The following PMEPA1 variants were observed in gnomAD, a reference collection of about 807,000 sequenced individuals.
PMEPA1 encodes prostate transmembrane protein, androgen induced 1, also known as protein TMEPAI.
A neutral mutation model predicts 23.0 loss-of-function variants in PMEPA1; 11 were observed. The observed-to-expected ratio is 0.48, with a 90% CI of 0.30 to 0.79. PMEPA1 has a LOEUF of 0.79. PMEPA1 is among the 30% of genes least tolerant of loss of function. The pLI, the probability that PMEPA1 is intolerant of heterozygous loss-of-function variation, is 0.06. For synonymous variants in PMEPA1, 204 were observed against 166.4 expected, an observed-to-expected ratio of 1.23 and a Z score of -1.74; for missense variants, 377 against 390.9, an observed-to-expected ratio of 0.96 and a Z score of 0.30.
intron 1 of PMEPA1, among the ~76,000 whole-genome samples, chr20:57,706,673 C>G (rs183478389): frequency 6.6e-6 from 1 of 152,138 alleles, no homozygotes; most frequent in Non-Finnish European, 1.5e-5. Context: ...TCAAGGAGGA[C>G]CTGCTCTGGG....
intron 1 of PMEPA1, among the ~76,000 whole-genome samples, chr20:57,696,963 C>T (rs778529439): frequency 6.6e-6 from 1 of 152,184 alleles, no homozygotes; most frequent in Non-Finnish European, 1.5e-5. Flanking sequence ...CCATGCTCTT[C>T]GGGGAGGCTT....
At chr20:57,690,869 C>T (rs2071873169) in intron 1 of PMEPA1, among the ~76,000 whole-genome samples, 1 of 152,190 alleles carries the variant, frequency 6.6e-6, no homozygotes, top group South Asian at 2.1e-4. Flanking sequence ...CAGGTTCCTG[C>T]ACTCGCCCCA....
chr20:57,707,173 T>A (rs1472409190), intron 1 of PMEPA1, among the ~76,000 whole-genome samples: 1 of 152,200 alleles, frequency 6.6e-6, no homozygotes, highest in Non-Finnish European at 1.5e-5. Flanking sequence ...ATGTACTAGA[T>A]GAAAAACAGC....
chr20:57,671,986 C>T (rs1360475987), intron 1 of PMEPA1, among the ~76,000 whole-genome samples: 2 of 152,124 alleles, frequency 1.3e-5, no homozygotes, highest in Admixed American at 1.3e-4. Flanking sequence ...TATTGTGGGG[C>T]AGAAATAATG....
intron 1 of PMEPA1, among the ~76,000 whole-genome samples, chr20:57,670,406 A>G (rs2071552280): frequency 6.6e-6 from 1 of 152,086 alleles, no homozygotes; most frequent in African/African-American, 2.4e-5. Flanking sequence ...ATCCACACTC[A>G]TGCCCGCTGT....
intron 1 of PMEPA1, among the ~76,000 whole-genome samples, chr20:57,663,607 C>T (rs374804359): frequency 6.6e-6 from 1 of 152,234 alleles, no homozygotes; most frequent in Non-Finnish European, 1.5e-5. Flanking sequence ...GCAGAGGGAG[C>T]ATCTAATGGA....
rs114205481 is a variant in PMEPA1, at chr20:57,662,179, G to A, written c.110-2482C>T. Among the ~76,000 whole-genome samples, 56 of 152,342 alleles carry A rather than the reference G, an allele frequency of 3.7e-4. 1 individual carries two copies. The East Asian group carries it at 9.6e-3, about 26-fold the overall frequency. ...GGAGCCATTTTTGGTTGTCACAACT[G>A]GGGGGTACTCCTGGCATGGAGTGGG... On this transcript the variant is annotated intron_variant, in intron 1 of 3. Transcript: ENST00000341744.
At chr20:57,686,838 T>G (rs1176270080) in intron 1 of PMEPA1, among the ~76,000 whole-genome samples, 1 of 152,124 alleles carries the variant, frequency 6.6e-6, no homozygotes, top group Non-Finnish European at 1.5e-5. Flanking sequence ...AAAACCATGG[T>G]CAGGCTTAGG....
rs565055099 is a variant in PMEPA1, at chr20:57,689,975, T to A, written c.109+19499A>T. 2.6e-5 allele frequency among the ~76,000 whole-genome samples: 4 copies of A among 152,338 alleles called. No homozygotes were observed. The East Asian group carries it at 7.7e-4, about 29-fold the overall frequency. The stretch of plus-strand genomic sequence containing the variant: ...GCAGCAGCCGAGGTCCATGGGGCAC[T>A]TACTGTGTGCGAGGCATTTGCTGAG... On this transcript the variant is annotated intron_variant, in intron 1 of 3. Transcript: ENST00000341744.
At chr20:57,706,079 C>T (rs192922771) in intron 1 of PMEPA1, among the ~76,000 whole-genome samples, 132 of 152,310 alleles carry the variant, frequency 8.7e-4, no homozygotes, top group African/African-American at 3.0e-3. Flanking sequence ...ATCAGAGGCT[C>T]GGTGACTCTG....
intron 1 of PMEPA1, among the ~76,000 whole-genome samples, chr20:57,673,443 A>G (rs1426565218): frequency 6.6e-6 from 1 of 152,022 alleles, no homozygotes; most frequent in Non-Finnish European, 1.5e-5. Context: ...TCTTGCTGCC[A>G]TCGTTGGTGT....
chr20:57,678,739 A>G (rs2071672171), intron 1 of PMEPA1, among the ~76,000 whole-genome samples: 2 of 152,238 alleles, frequency 1.3e-5, no homozygotes, highest in Non-Finnish European at 2.9e-5. Context: ...ATCTGGAAGC[A>G]CTGGCTCCTA....
intron 1 of PMEPA1, among the ~76,000 whole-genome samples, chr20:57,697,308 TG>T (rs2071954382): frequency 6.6e-6 from 1 of 152,224 alleles, no homozygotes; most frequent in Non-Finnish European, 1.5e-5. Context: ...GAGCAGACAC[TG>T]GGAGTACCAC....
At chr20:57,698,337 T>A (rs2071968844) in intron 1 of PMEPA1, among the ~76,000 whole-genome samples, 1 of 152,206 alleles carries the variant, frequency 6.6e-6, no homozygotes, top group South Asian at 2.1e-4. Flanking sequence ...ATAAACAGAT[T>A]AGAAAACCAG....
intron 1 of PMEPA1, among the ~76,000 whole-genome samples, chr20:57,679,099 G>T (rs2071676846): frequency 1.3e-5 from 2 of 152,206 alleles, no homozygotes; most frequent in Admixed American, 1.3e-4. Flanking sequence ...GAGCAGGTTT[G>T]TGATAATGAG....
chr20:57,694,130 C>T (rs1453295221), intron 1 of PMEPA1, among the ~76,000 whole-genome samples: 1 of 152,170 alleles, frequency 6.6e-6, no homozygotes, highest in Non-Finnish European at 1.5e-5. Flanking sequence ...TGCCCCTGAC[C>T]TTCAAATAGC....
In PMEPA1 at chr20:57,652,672, G is replaced by C; in HGVS notation, c.319-74C>G. ...TTGTCCAGAAGCGATCCTGAGACTG[G>C]AGTTCTGCTGCATGGGACTTGGCTC... On this transcript the variant is annotated intron_variant, in intron 3 of 3. Coordinates refer to ENST00000341744, the MANE Select transcript of PMEPA1 (RefSeq NM_020182.5). The surrounding 1 kb of genome is among the most constrained non-coding windows in gnomAD (Gnocchi z 6.1). The C allele has an allele frequency of 8.1e-7, 1 of 1,234,726 alleles. No individual in the cohort carries two copies. The highest frequency in any genetic ancestry group is 1.6e-5 in the South Asian group (1 of 63,906). The allele number at this position is 1,234,726 out of a possible 1,614,324, so 76.5% of individuals were successfully genotyped here.
chr20:57,698,481 C>T (rs1280091847), intron 1 of PMEPA1, among the ~76,000 whole-genome samples: 4 of 152,170 alleles, frequency 2.6e-5, no homozygotes, highest in African/African-American at 7.2e-5. Context: ...TCATGCCTTC[C>T]GCAAGACCAA....
In PMEPA1 at chr20:57,702,303, G is replaced by A. The variant is rs532283384; in HGVS notation, c.109+7171C>T. 4.6e-5 allele frequency among the ~76,000 whole-genome samples: 7 copies of A among 152,274 alleles called. No homozygotes were observed. In the South Asian group the frequency reaches 1.5e-3, roughly 32 times the overall value. On this transcript the variant is annotated intron_variant, in intron 1 of 3. Coordinates refer to ENST00000341744, the MANE Select transcript of PMEPA1 (RefSeq NM_020182.5). ...TTTGATTCCCTGGGAACATTCCCCA[G>A]CTACTCCCCAAACCCCCGCCACGAC...
Sources: gnomAD v4.1 joint callset for allele counts (sites outside exome capture counted in the v4.1 genomes callset) on GRCh38, gnomAD v4.1.1 for gene constraint, Gnocchi (gnomAD v3.1) non-coding constraint, MANE v1.5 for transcripts, NCBI Gene and HGNC (gene_info 2026-07-23, HGNC 2026-07-21) for gene names.